DISC1: variants seen among roughly 807,000 people sequenced by gnomAD.
DISC1 encodes disrupted in schizophrenia 1 protein.
In DISC1, 57 loss-of-function variants were observed where a neutral mutation model predicts 84.5. The ratio of observed to expected loss-of-function variants is 0.67; its 90% CI spans 0.55 to 0.84. The LOEUF (loss-of-function observed/expected upper bound fraction) is 0.84, where lower values mean the gene tolerates loss of function less well. Ranked by LOEUF, DISC1 falls within the 40% of genes least tolerant of loss-of-function variation. DISC1 has a pLI of 0.00. For missense variants in DISC1, 1,000 were observed against 1,057.8 expected (o/e 0.95, Z 0.76); for synonymous variants, 411 against 415.2 (o/e 0.99, Z 0.12).
At chr1:231,790,558 G>A (rs112906668) in intron 6 of DISC1, among the ~76,000 whole-genome samples, 4,893 of 150,274 alleles carry the variant, frequency 0.033, 191 homozygotes, top group African/African-American at 0.093. Flanking sequence ...TCCCTCTGTC[G>A]CCCAGGCTGG....
At chr1:231,677,571 G>A (rs984482110) in intron 1 of DISC1, among the ~76,000 whole-genome samples, 6 of 152,198 alleles carry the variant, frequency 3.9e-5, no homozygotes, top group African/African-American at 9.7e-5. Flanking sequence ...GTATCCTTAC[G>A]ACAGCCTTTC....
intron 10 of DISC1, among the ~76,000 whole-genome samples, chr1:231,975,637 A>G (rs1206730903): frequency 1.3e-5 from 2 of 152,272 alleles, no homozygotes; most frequent in Non-Finnish European, 2.9e-5. Flanking sequence ...ATACAAATGC[A>G]TAAAAAGAAT....
chr1:232,007,533 AG>A (rs1384040094), intron 10 of DISC1, among the ~76,000 whole-genome samples: 1 of 152,206 alleles, frequency 6.6e-6, no homozygotes, highest in Non-Finnish European at 1.5e-5. Context: ...TGTTTTGGCC[AG>A]TTTCTCCCAT....
chr1:231,757,157 G>A (rs1448263564), intron 4 of DISC1, among the ~76,000 whole-genome samples: 1 of 152,170 alleles, frequency 6.6e-6, no homozygotes, highest in African/African-American at 2.4e-5. Flanking sequence ...TCAAATAAGT[G>A]CCTGCTAACC....
intron 9 of DISC1, among the ~76,000 whole-genome samples, chr1:231,908,359 G>T (rs1007170518): frequency 2.0e-5 from 3 of 152,202 alleles, no homozygotes; most frequent in Non-Finnish European, 4.4e-5. Flanking sequence ...TGTATAAGGT[G>T]TAAGGAAAGG....
intron 1 of DISC1, 95 bp from the exon 2 acceptor site, chr1:231,693,731 A>T: frequency 2.5e-6 from 4 of 1,587,624 alleles, no homozygotes; most frequent in Non-Finnish European, 3.4e-6. Flanking sequence ...GTACTGAGAG[A>T]TGACCTTTAA....
chr1:231,807,801 A>C (rs2079866690), intron 8 of DISC1, among the ~76,000 whole-genome samples: 2 of 152,218 alleles, frequency 1.3e-5, no homozygotes, highest in African/African-American at 2.4e-5. Context: ...GAAGCTAAAC[A>C]AACACAGCCC....
chr1:231,914,654 G>A (rs190910708), intron 9 of DISC1, among the ~76,000 whole-genome samples: 9 of 152,258 alleles, frequency 5.9e-5, no homozygotes, highest in African/African-American at 1.2e-4. Flanking sequence ...TGGCACATCC[G>A]TCCCCGTGAT....
chr1:231,953,393 A>G (rs996807261), intron 9 of DISC1, among the ~76,000 whole-genome samples: 2 of 152,148 alleles, frequency 1.3e-5, no homozygotes, highest in South Asian at 4.1e-4. Flanking sequence ...ATGCCATCCT[A>G]CCTGCCAAGA....
intron 10 of DISC1, among the ~76,000 whole-genome samples, chr1:231,963,874 A>G (rs565897446): frequency 2.0e-5 from 3 of 152,160 alleles, no homozygotes; most frequent in African/African-American, 7.2e-5. Flanking sequence ...AGCAGAGGGT[A>G]CGTGACTGGG....
chr1:231,796,386 C>T (rs1329088632), intron 7 of DISC1, among the ~76,000 whole-genome samples: 2 of 151,706 alleles, frequency 1.3e-5, no homozygotes, highest in African/African-American at 2.4e-5. Flanking sequence ...CAGAGAGCAA[C>T]GCAGCTGAGA....
chr1:231,824,845 C>T (rs1226647752), intron 9 of DISC1, among the ~76,000 whole-genome samples: 1 of 152,066 alleles, frequency 6.6e-6, no homozygotes, highest in African/African-American at 2.4e-5. Context: ...ATATGTAATA[C>T]TGTAGAACCA....
chr1:231,675,533 C>T lies in DISC1; in HGVS notation c.68-18293C>T, dbSNP rs2063057248. 6.6e-6 allele frequency among the ~76,000 whole-genome samples: 1 copy of T among 152,150 alleles called. No individual in the cohort carries two copies. Among genetic ancestry groups the T allele is most frequent in the East Asian group, 1.9e-4 (1 of 5,196 alleles). On this transcript the variant is annotated intron_variant, in intron 1 of 12. Coordinates refer to ENST00000439617, the MANE Select transcript of DISC1 (RefSeq NM_018662.3). This position sits in a 1 kb window ranked among gnomAD's most constrained non-coding sequence, Gnocchi z 4.1. ...TGTACATTTCTCCCTCATACATGTA[C>T]ATTTACTCTCAAAATTTCCTGGGCT... is the stretch of plus-strand genomic sequence containing the variant.
At chr1:231,787,545 G>A (rs2077982359) in intron 6 of DISC1, among the ~76,000 whole-genome samples, 1 of 152,196 alleles carries the variant, frequency 6.6e-6, no homozygotes, top group Admixed American at 6.5e-5. Flanking sequence ...ATTCATTCAT[G>A]AGGGCAGATT....
At chr1:231,863,220 CTTTTTTTTTTTTTTTTTTT>C (rs533463099) in intron 9 of DISC1, among the ~76,000 whole-genome samples, 3 of 54,770 alleles carry the variant, frequency 5.5e-5, no homozygotes, top group Admixed American at 6.1e-4. Flanking sequence ...ATAAAATGTT[CTTTTTTTTTTTTTTTTTTT>C]TTTTTTTTTT....
At chr1:231,986,748 G>A (rs1396789013) in intron 10 of DISC1, among the ~76,000 whole-genome samples, 1 of 152,180 alleles carries the variant, frequency 6.6e-6, no homozygotes, top group Admixed American at 6.5e-5. Context: ...CACTTCACTT[G>A]GTGTATCCAG....
rs764475564 is a variant in DISC1, at chr1:232,008,034, A to G, written c.2043-751A>G. ...CCTTGCTTCCCCTTCACCTTCTGCC[A>G]TGATTGTCAGTTTCTTGAGGCCTCC... On this transcript the variant is annotated intron_variant, in intron 10 of 12. Transcript: ENST00000439617. Among the ~76,000 whole-genome samples the G allele has an allele frequency of 3.8e-4, 58 of 152,148 alleles. 2 individuals carry two copies. The highest frequency in any genetic ancestry group is 1.7e-3 in the Admixed American group (26 of 15,282).
intron 8 of DISC1, among the ~76,000 whole-genome samples, chr1:231,811,229 C>G (rs1294511432): frequency 6.6e-6 from 1 of 152,176 alleles, no homozygotes; most frequent in Non-Finnish European, 1.5e-5. Context: ...ACAACCCTGA[C>G]AGAAAATGGC....
At chr1:231,987,683 A>G (rs947923196) in intron 10 of DISC1, among the ~76,000 whole-genome samples, 1 of 152,216 alleles carries the variant, frequency 6.6e-6, no homozygotes, top group African/African-American at 2.4e-5. Flanking sequence ...ATGGAAGGCC[A>G]TGGACTAAAG....
Sources: allele counts gnomAD v4.1 joint callset (sites outside exome capture counted in the v4.1 genomes callset), GRCh38; gene constraint gnomAD v4.1.1; non-coding constraint Gnocchi (gnomAD v3.1); transcripts MANE v1.5; gene names NCBI Gene and HGNC (gene_info 2026-07-23, HGNC 2026-07-21).